AIG1: variants seen among roughly 807,000 people sequenced by gnomAD.
AIG1 encodes androgen-induced gene 1 protein.
A neutral mutation model predicts 31.4 loss-of-function variants in AIG1; 23 were observed. The observed-to-expected ratio is 0.73, with a 90% CI of 0.53 to 1.04. The LOEUF (loss-of-function observed/expected upper bound fraction) is 1.04. Among genes scored for constraint, AIG1 ranks in the 50% least tolerant of loss-of-function variants. The pLI is 0.00. For missense variants in AIG1, 274 were observed against 295.0 expected (o/e 0.93, Z 0.52); for synonymous variants, 100 against 110.5 (o/e 0.90, Z 0.60).
rs141068181 is a variant in AIG1, at chr6:143,081,092, A to G, written c.141+20026A>G. 1.8e-3 allele frequency among the ~76,000 whole-genome samples: 270 copies of G among 152,318 alleles called. 1 individual carries two copies. The highest frequency in any genetic ancestry group is 6.3e-3 in the African/African-American group (262 of 41,568). Reference sequence around the variant, plus strand: ...GGAAGGGCTGTCCATACAGCATCTCATATGGACTAAGTCCTGCTTTTTGGG... The same window carrying G: ...GGAAGGGCTGTCCATACAGCATCTCGTATGGACTAAGTCCTGCTTTTTGGG... On this transcript the variant is annotated intron_variant, in intron 1 of 5. Transcript: ENST00000357847.
intron 1 of AIG1, among the ~76,000 whole-genome samples, chr6:143,123,708 T>C (rs1433487434): frequency 1.3e-5 from 2 of 152,216 alleles, no homozygotes; most frequent in Non-Finnish European, 2.9e-5. Flanking sequence ...TTGGGCTACT[T>C]TCTATTTTTT....
intron 3 of AIG1, among the ~76,000 whole-genome samples, chr6:143,233,602 G>GA (rs1793611095): frequency 1.4e-5 from 2 of 146,346 alleles, no homozygotes; most frequent in Admixed American, 6.8e-5. Flanking sequence ...GAAAAGAAAA[G>GA]AAAAGAAAAA....
rs1214727273 is a variant in AIG1, at chr6:143,233,988, A to T, written c.400-50122A>T. On this transcript the variant is annotated intron_variant, in intron 3 of 5. Transcript: ENST00000357847. ...TAGAAAGTCTTTTCTTCTTTCTTTT[A>T]AAAAAAGAACCTGTACTTTGGGTGA... 2.6e-4 allele frequency among the ~76,000 whole-genome samples: 39 copies of T among 151,494 alleles called. 1 individual carries two copies. Among genetic ancestry groups the T allele is most frequent in the Admixed American group, 2.5e-3 (38 of 15,248 alleles).
At chr6:143,322,767 G>A (rs1776317351) in intron 4 of AIG1, among the ~76,000 whole-genome samples, 1 of 152,198 alleles carries the variant, frequency 6.6e-6, no homozygotes, top group South Asian at 2.1e-4. Context: ...TTTAGAATCA[G>A]GAAGAAAGCA....
rs117714644 is a variant in AIG1, at chr6:143,300,030, A to G, written c.515+15805A>G. On this transcript the variant is annotated intron_variant, in intron 4 of 5. Coordinates refer to ENST00000357847, the MANE Select transcript of AIG1 (RefSeq NM_016108.4). ...TAGAATCTTATGGGCAAGCACTGTG[A>G]CATTCACCAGATGAGCCCCATGTCT... 7.7e-3 allele frequency among the ~76,000 whole-genome samples: 1,178 copies of G among 152,314 alleles called. 37 individuals carry two copies. Among genetic ancestry groups the G allele is most frequent in the Admixed American group, 0.048 (727 of 15,300 alleles).
chr6:143,304,407 C>T (rs1408742612), intron 4 of AIG1, among the ~76,000 whole-genome samples: 1 of 151,832 alleles, frequency 6.6e-6, no homozygotes, highest in Non-Finnish European at 1.5e-5. Flanking sequence ...CCCATCAGTA[C>T]CTAATTTATT....
upstream of AIG1, among the ~76,000 whole-genome samples, chr6:143,059,213 G>A (rs1456513671): frequency 2.6e-5 from 4 of 152,220 alleles, no homozygotes; most frequent in African/African-American, 9.6e-5. Context: ...GCCAGCAGCA[G>A]CAACCCGCTC....
rs761990010 is a variant in AIG1, at chr6:143,256,462, G to A, written c.400-27648G>A. Among the ~76,000 whole-genome samples, 1 of 152,130 alleles carries A rather than the reference G, an allele frequency of 6.6e-6. No homozygotes were observed. The highest frequency in any genetic ancestry group is 1.5e-5 in the Non-Finnish European group (1 of 68,018). ...TACTGACTTCTTAAACTCGAACGTT[G>A]GCTGTTCATTTGCCATCAGTAAATT... On this transcript the variant is annotated intron_variant, in intron 3 of 5. Coordinates refer to ENST00000357847, the MANE Select transcript of AIG1 (RefSeq NM_016108.4). This position sits in a 1 kb window ranked among gnomAD's most constrained non-coding sequence, Gnocchi z 4.6.
At chr6:143,118,849 G>A (rs1395725765) in intron 1 of AIG1, among the ~76,000 whole-genome samples, 1 of 151,406 alleles carries the variant, frequency 6.6e-6, no homozygotes, top group Non-Finnish European at 1.5e-5. Flanking sequence ...TCTGGAGAGT[G>A]TCCCAAAGAA....
intron 1 of AIG1, among the ~76,000 whole-genome samples, chr6:143,129,815 G>A (rs1583270813): frequency 6.6e-6 from 1 of 151,714 alleles, no homozygotes; most frequent in South Asian, 2.1e-4. Context: ...CCTCTATTTT[G>A]AAGGTCTGAT....
intron 3 of AIG1, among the ~76,000 whole-genome samples, chr6:143,276,206 C>A (rs1796890401): frequency 6.6e-6 from 1 of 152,174 alleles, no homozygotes; most frequent in Non-Finnish European, 1.5e-5. Flanking sequence ...TTAATTGCAA[C>A]GATATGCATG....
Position 143,277,987 on chromosome 6 carries a change from A to G in AIG1, c.400-6123A>G, listed in dbSNP as rs573366154. Among the ~76,000 whole-genome samples, 3 of 152,380 alleles carry G rather than the reference A, an allele frequency of 2.0e-5. No homozygotes were observed. In the South Asian group the frequency reaches 6.2e-4, roughly 32 times the overall value. On this transcript the variant is annotated intron_variant, in intron 3 of 5. Transcript: ENST00000357847. ...GCCTGGATTTATACCATCATGCAGC[A>G]TAATTTTTGTCCTTCTATTAATCCA...
In AIG1 at chr6:143,268,273, CCCCGTTGCTCTG is replaced by C. The variant is rs971053868; in HGVS notation, c.400-15834_400-15823del. On this transcript the variant is annotated intron_variant, in intron 3 of 5. Transcript: ENST00000357847. This position sits in a 1 kb window ranked among gnomAD's most constrained non-coding sequence, Gnocchi z 5.0. The stretch of plus-strand genomic sequence containing the variant: ...GCATGTTTCTTCCTCCAGCCCCCTT[CCCCGTTGCTCTG>C]CCTCATGAGGGAATTAGCACTTGGT... Among the ~76,000 whole-genome samples, 2 of 152,166 alleles carry C rather than the reference CCCCGTTGCTCTG, an allele frequency of 1.3e-5. No homozygotes were observed. The highest frequency in any genetic ancestry group is 6.5e-5 in the Admixed American group (1 of 15,282).
chr6:143,113,111 C>G (rs1045924900), intron 1 of AIG1, among the ~76,000 whole-genome samples: 3 of 150,504 alleles, frequency 2.0e-5, no homozygotes, highest in African/African-American at 7.3e-5. Context: ...TGGCTTGAGC[C>G]TAGGAGGTTG....
intron 3 of AIG1, among the ~76,000 whole-genome samples, chr6:143,241,713 G>A (rs1794254671): frequency 6.6e-6 from 1 of 152,132 alleles, no homozygotes; most frequent in Non-Finnish European, 1.5e-5. Flanking sequence ...GAGCATTTAA[G>A]CAATGCAAGT....
intron 2 of AIG1, among the ~76,000 whole-genome samples, chr6:143,162,580 G>A (rs977372384): frequency 6.6e-6 from 1 of 152,100 alleles, no homozygotes; most frequent in African/African-American, 2.4e-5. Context: ...AATATGATGG[G>A]TTGTCACTCT....
chr6:143,107,128 T>G (rs1367447358), intron 1 of AIG1, among the ~76,000 whole-genome samples: 3 of 152,218 alleles, frequency 2.0e-5, no homozygotes, highest in Admixed American at 1.3e-4. Flanking sequence ...ATTTAAAAAG[T>G]TAAGCCTAAC....
At chr6:143,111,296 C>T (rs571883613) in intron 1 of AIG1, among the ~76,000 whole-genome samples, 1 of 152,284 alleles carries the variant, frequency 6.6e-6, no homozygotes, top group Non-Finnish European at 1.5e-5. Flanking sequence ...TCCTTAAGAC[C>T]CAAAGACCTC....
chr6:143,117,618 A>T (rs1781851194), intron 1 of AIG1, among the ~76,000 whole-genome samples: 2 of 152,116 alleles, frequency 1.3e-5, no homozygotes, highest in Admixed American at 1.3e-4. Flanking sequence ...CAAATGCAGA[A>T]GTCTGGCTAA....
Sources: gnomAD v4.1 joint callset for allele counts (sites outside exome capture counted in the v4.1 genomes callset) on GRCh38, gnomAD v4.1.1 for gene constraint, Gnocchi (gnomAD v3.1) non-coding constraint, MANE v1.5 for transcripts, NCBI Gene and HGNC (gene_info 2026-07-23, HGNC 2026-07-21) for gene names.